Variants in ZC3H3 observed in about 807,000 individuals in gnomAD.
ZC3H3 encodes the protein zinc finger CCCH-type containing 3, also known as zinc finger CCCH domain-containing protein 3.
In ZC3H3, 36 loss-of-function variants were observed where a neutral mutation model predicts 77.3. That is an observed-to-expected ratio of 0.47 (90% confidence interval 0.36 to 0.61). The LOEUF is 0.61. ZC3H3 is among the 20% of genes least tolerant of loss of function. The pLI is 0.00. For synonymous variants in ZC3H3, 626 were observed against 555.2 expected (o/e 1.13, Z -1.79); for missense variants, 1,331 against 1,312.2 (o/e 1.01, Z -0.22).
intron 3 of ZC3H3, among the ~76,000 whole-genome samples, chr8:143,523,070 G>A (rs930562485): frequency 3.3e-5 from 5 of 152,180 alleles, no homozygotes; most frequent in African/African-American, 4.8e-5. Flanking sequence ...GGCTAGTGAC[G>A]GGGCAATCTG....
At position 143,464,471 on chromosome 8, in the gene ZC3H3, G is replaced by A. The variant is rs555422748; in HGVS notation, c.2307+1246C>T. 1.4e-4 allele frequency among the ~76,000 whole-genome samples: 21 copies of A among 152,294 alleles called. No homozygotes were observed. In the East Asian group the frequency reaches 3.5e-3, roughly 25 times the overall value. On this transcript the variant is annotated intron_variant, in intron 9 of 11. Transcript: ENST00000262577. ...GCTGCAGGCTGACTCCTCCTGGGAA[G>A]TGGGTGTGAGGACTGAGGATGAGGG...
intron 9 of ZC3H3, among the ~76,000 whole-genome samples, chr8:143,447,745 G>A (rs1397531598): frequency 6.6e-6 from 1 of 152,306 alleles, no homozygotes; most frequent in Non-Finnish European, 1.5e-5. Context: ...GGACGAGAGA[G>A]AGCGGGGCAG....
In ZC3H3 at chr8:143,481,352, C is replaced by T. The variant is rs536337219; in HGVS notation, c.1716-5767G>A. Among the ~76,000 whole-genome samples the T allele has an allele frequency of 1.2e-3, 178 of 152,312 alleles. 1 individual carries two copies. The highest frequency in any genetic ancestry group is 2.0e-3 in the Non-Finnish European group (136 of 68,022). On this transcript the variant is annotated intron_variant, in intron 4 of 11. Transcript: ENST00000262577. ...CAGCCCCTCAGCATCCTTCCCTCCC[C>T]GCCACCGAAGTTCCCATGCCAGCCT... is the stretch of plus-strand genomic sequence containing the variant.
chr8:143,480,187 G>A (rs1413547720), intron 4 of ZC3H3, among the ~76,000 whole-genome samples: 1 of 152,220 alleles, frequency 6.6e-6, no homozygotes, highest in African/African-American at 2.4e-5. Context: ...TGGGCAAGAT[G>A]GGAGAGAGGC....
chr8:143,520,482 C>A (rs961236490), intron 3 of ZC3H3, among the ~76,000 whole-genome samples: 2 of 152,210 alleles, frequency 1.3e-5, no homozygotes, highest in African/African-American at 4.8e-5. Context: ...CCCAGGCCCA[C>A]GCAGTGGGAA....
In ZC3H3 at chr8:143,476,620, G is replaced by C. The variant is rs1161875058; in HGVS notation, c.1716-1035C>G. 3.9e-5 allele frequency among the ~76,000 whole-genome samples: 6 copies of C among 152,306 alleles called. No individual in the cohort carries two copies. In the East Asian group the frequency reaches 1.2e-3, roughly 29 times the overall value. On this transcript the variant is annotated intron_variant, in intron 4 of 11. Coordinates refer to ENST00000262577, the MANE Select transcript of ZC3H3 (RefSeq NM_015117.3). The stretch of plus-strand genomic sequence containing the variant: ...TGAGCTTGATTCCACATGAGCTCAC[G>C]CTCTGCTCAAGCTGCCATGACCCCT...
At chr8:143,528,226 A>G (rs1414250224) in intron 3 of ZC3H3, among the ~76,000 whole-genome samples, 4 of 152,166 alleles carry the variant, frequency 2.6e-5, no homozygotes, top group African/African-American at 9.7e-5. Flanking sequence ...ATCTCTGCGC[A>G]GGGCAGGGGA....
At chr8:143,472,279 C>G (rs1310012507) in intron 5 of ZC3H3, among the ~76,000 whole-genome samples, 1 of 152,248 alleles carries the variant, frequency 6.6e-6, no homozygotes, top group Admixed American at 6.5e-5. Flanking sequence ...GGCTCTGGGC[C>G]AAGGGAAGGG....
At chr8:143,527,303 G>A (rs939449802) in intron 3 of ZC3H3, among the ~76,000 whole-genome samples, 3 of 152,130 alleles carry the variant, frequency 2.0e-5, no homozygotes, top group Non-Finnish European at 4.4e-5. Flanking sequence ...GGGAAGAGAG[G>A]GACAAGAGGA....
At chr8:143,489,441 G>A (rs1270518187) in intron 4 of ZC3H3, among the ~76,000 whole-genome samples, 3 of 152,260 alleles carry the variant, frequency 2.0e-5, no homozygotes, top group South Asian at 4.1e-4. Context: ...CCCTCCCACC[G>A]CGGCTGGGCC....
chr8:143,460,368 A>C lies in ZC3H3; in HGVS notation c.2307+5349T>G, dbSNP rs963771259. On this transcript the variant is annotated intron_variant, in intron 9 of 11. Transcript: ENST00000262577. The surrounding 1 kb of genome is among the most constrained non-coding windows in gnomAD (Gnocchi z 4.0). Reference sequence around the variant, plus strand: ...ATGATCTTATATGTAAGAAAACCCTAAAGAATCCACACACAAAAAAAGTTA... The same window carrying C: ...ATGATCTTATATGTAAGAAAACCCTCAAGAATCCACACACAAAAAAAGTTA... 2.6e-5 allele frequency among the ~76,000 whole-genome samples: 4 copies of C among 152,194 alleles called. No individual in the cohort carries two copies. Among genetic ancestry groups the C allele is most frequent in the Non-Finnish European group, 5.9e-5 (4 of 68,028 alleles).
At chr8:143,524,139 C>G (rs1204757833) in intron 3 of ZC3H3, among the ~76,000 whole-genome samples, 1 of 152,252 alleles carries the variant, frequency 6.6e-6, no homozygotes, top group Non-Finnish European at 1.5e-5. Flanking sequence ...GCACAGTGCC[C>G]CTGCAGTGCC....
intron 9 of ZC3H3, among the ~76,000 whole-genome samples, chr8:143,454,579 T>TG (rs1308585803): frequency 3.3e-5 from 5 of 151,818 alleles, no homozygotes; most frequent in African/African-American, 4.8e-5. Context: ...TTAATTTTTT[T>TG]TGTGTGTGTT....
chr8:143,528,854 T>C (rs1192016955), intron 3 of ZC3H3, among the ~76,000 whole-genome samples: 1 of 152,178 alleles, frequency 6.6e-6, no homozygotes, highest in Non-Finnish European at 1.5e-5. Context: ...CGCCTCACCC[T>C]CACCAGGAGC....
chr8:143,538,629 C>T lies in ZC3H3; in HGVS notation c.738G>A (p.Lys246=). ...AGCTGGCCACGGAATGAGAACCCAG[C>T]TTCCGGCCCAGGGCCACGCCAGTGC... ...PPRTGVALGR[K]LGSHSVASCA... The change falls in exon 2 of 12, where the codon AAG becomes AAA. Residue 246 remains lysine, a synonymous_variant. Transcript: ENST00000262577. The T allele has an allele frequency of 6.2e-7, 1 of 1,609,224 alleles. No individual in the cohort carries two copies. The highest frequency in any genetic ancestry group is 8.5e-7 in the Non-Finnish European group (1 of 1,179,990).
At chr8:143,470,057 T>C (rs1820520979) in intron 5 of ZC3H3, among the ~76,000 whole-genome samples, 1 of 152,236 alleles carries the variant, frequency 6.6e-6, no homozygotes, top group African/African-American at 2.4e-5. Flanking sequence ...CTCTCCCAGA[T>C]GGCCCAGCAG....
chr8:143,525,752 C>T (rs1370293614), intron 3 of ZC3H3, among the ~76,000 whole-genome samples: 3 of 152,276 alleles, frequency 2.0e-5, no homozygotes, highest in Admixed American at 1.3e-4. Flanking sequence ...CCACTCAGCA[C>T]CCACGCAGTG....
chr8:143,520,040 A>T (rs1245185619), intron 3 of ZC3H3, among the ~76,000 whole-genome samples: 1 of 152,082 alleles, frequency 6.6e-6, no homozygotes, highest in Non-Finnish European at 1.5e-5. Context: ...TCCTTCCCAC[A>T]CGAAGGCACA....
intron 9 of ZC3H3, among the ~76,000 whole-genome samples, chr8:143,450,606 G>A (rs1240530023): frequency 6.6e-6 from 1 of 152,232 alleles, no homozygotes; most frequent in Non-Finnish European, 1.5e-5. Flanking sequence ...AGAAGGCAAA[G>A]GGGAGGCGAG....
Sources: allele counts gnomAD v4.1 joint callset (sites outside exome capture counted in the v4.1 genomes callset), GRCh38; gene constraint gnomAD v4.1.1; non-coding constraint Gnocchi (gnomAD v3.1); transcripts MANE v1.5; gene names NCBI Gene and HGNC (gene_info 2026-07-23, HGNC 2026-07-21).